CNTNAP5: variants seen among roughly 807,000 people sequenced by gnomAD.
CNTNAP5 encodes contactin-associated protein-like 5.
Under a neutral mutation model 150.2 loss-of-function variants are expected in CNTNAP5, and 72 were observed. That is an observed-to-expected ratio of 0.48 (90% CI 0.40 to 0.58). The LOEUF (loss-of-function observed/expected upper bound fraction) is 0.58. CNTNAP5 is among the 20% of genes least tolerant of loss of function. The probability of loss-of-function intolerance (pLI) is 0.00; values close to 1 mark genes in which losing one functional copy is unlikely to be tolerated. For synonymous variants in CNTNAP5, 672 were observed against 619.8 expected (o/e 1.08, Z -1.25); for missense variants, 1,636 against 1,626.2 (o/e 1.01, Z -0.10).
chr2:124,597,877 G>C (rs1460918472), intron 11 of CNTNAP5, among the ~76,000 whole-genome samples: 1 of 142,346 alleles, frequency 7.0e-6, no homozygotes. Context: ...TTCCCTTCTT[G>C]CTTCATTTCA....
intron 13 of CNTNAP5, among the ~76,000 whole-genome samples, chr2:124,653,921 C>G (rs938281984): frequency 9.2e-5 from 13 of 141,244 alleles, no homozygotes; most frequent in South Asian, 2.5e-4. Context: ...ACCCCCCCCC[C>G]CCGCCACACA....
In CNTNAP5 at chr2:124,416,673, C is replaced by CT. The variant is rs1184135422; in HGVS notation, c.382-763dup. 2.1e-4 allele frequency among the ~76,000 whole-genome samples: 32 copies of CT among 152,094 alleles called. No homozygotes were observed. In the South Asian group the frequency reaches 6.2e-3, roughly 30 times the overall value. The stretch of plus-strand genomic sequence containing the variant: ...CTTCCCTTTTTCTCTTTCTAGGCTT[C>CT]TTTTTTTAAAAAATCTGTAAAATGG... On this transcript the variant is annotated intron_variant, in intron 3 of 23. Coordinates refer to ENST00000682447, the MANE Select transcript of CNTNAP5 (RefSeq NM_001367498.1).
chr2:124,584,218 T>C (rs1214676121), intron 11 of CNTNAP5, among the ~76,000 whole-genome samples: 3 of 152,218 alleles, frequency 2.0e-5, no homozygotes, highest in Non-Finnish European at 4.4e-5. Flanking sequence ...TGCTCGGGTT[T>C]TGCAAGAAGA....
rs570380670 is a variant in CNTNAP5 at position 124,286,808 on chromosome 2, T to A, written c.381+44415T>A. Among the ~76,000 whole-genome samples, 7 of 152,302 alleles carry A rather than the reference T, an allele frequency of 4.6e-5. No homozygotes were observed. In the South Asian group the frequency reaches 1.2e-3, roughly 27 times the overall value. ...GTTTGCACTGTGTTTTCAATGTAGC[T>A]GTTCTCTTTCAGCAGCTCCCGTTAA... is the stretch of plus-strand genomic sequence containing the variant. On this transcript the variant is annotated intron_variant, in intron 3 of 23. Coordinates refer to ENST00000682447, the MANE Select transcript of CNTNAP5 (RefSeq NM_001367498.1).
chr2:124,179,237 G>A (rs1163830019), intron 1 of CNTNAP5, among the ~76,000 whole-genome samples: 1 of 152,020 alleles, frequency 6.6e-6, no homozygotes, highest in African/African-American at 2.4e-5. Context: ...TCAGCTCCCT[G>A]CAACTTCTGC....
In CNTNAP5 at chr2:124,621,949, C is replaced by CT. The variant is rs369823416; in HGVS notation, c.1876+12038dup. ...TTCCTGTTTGAAAACACTCTACTTTCTTTTTTTTTCTTCAACTTTTATTTT... is the reference window on the plus strand; with the variant it reads ...TTCCTGTTTGAAAACACTCTACTTTCTTTTTTTTTTCTTCAACTTTTATTTT... On this transcript the variant is annotated intron_variant, in intron 12 of 23. Transcript: ENST00000682447. Among the ~76,000 whole-genome samples, 694 of 151,558 alleles carry CT rather than the reference C, an allele frequency of 4.6e-3. 2 individuals are homozygous for CT. The highest frequency in any genetic ancestry group is 5.9e-3 in the Non-Finnish European group (402 of 67,842).
intron 3 of CNTNAP5, among the ~76,000 whole-genome samples, chr2:124,326,004 A>G (rs1329787346): frequency 2.6e-5 from 4 of 152,228 alleles, no homozygotes; most frequent in Non-Finnish European, 5.9e-5. Context: ...TGCTGGCTGC[A>G]ACAATGAAGA....
chr2:124,571,755 C>T (rs898920934), intron 11 of CNTNAP5, among the ~76,000 whole-genome samples: 1 of 151,608 alleles, frequency 6.6e-6, no homozygotes, highest in Non-Finnish European at 1.5e-5. Context: ...TGGTCTCGAA[C>T]TCCTGACTTC....
intron 21 of CNTNAP5, among the ~76,000 whole-genome samples, chr2:124,899,155 T>G (rs1445905929): frequency 1.2e-4 from 18 of 151,418 alleles, no homozygotes. Context: ...TATAAATATA[T>G]ACAAAAACCA....
In CNTNAP5 at chr2:124,571,527, C is replaced by CTTTTTTTTTTTTTTTTT. The variant is rs1214169811; in HGVS notation, c.1756+8209_1756+8225dup. Among the ~76,000 whole-genome samples the CTTTTTTTTTTTTTTTTT allele has an allele frequency of 4.1e-4, 19 of 46,850 alleles. 1 individual carries two copies. Among genetic ancestry groups the CTTTTTTTTTTTTTTTTT allele is most frequent in the African/African-American group, 6.2e-4 (6 of 9,756 alleles). 30.7% of individuals were successfully genotyped at this position (46,850 alleles called of 152,430 possible). On this transcript the variant is annotated intron_variant, in intron 11 of 23. Transcript: ENST00000682447. ...CACTGAGTACTTTTTTTTCTTTTTT[C>CTTTTTTTTTTTTTTTTT]TTTTTTTTTTTTTTTTTTTTTGAGA...
chr2:124,367,596 G>A (rs11682596), intron 3 of CNTNAP5, among the ~76,000 whole-genome samples: 14,049 of 152,022 alleles, frequency 0.092, 823 homozygotes, highest in East Asian at 0.21. Flanking sequence ...GCTCCTATTG[G>A]GCTACCTCCA....
At chr2:124,328,297 A>G (rs1689269931) in intron 3 of CNTNAP5, among the ~76,000 whole-genome samples, 1 of 152,186 alleles carries the variant, frequency 6.6e-6, no homozygotes, top group African/African-American at 2.4e-5. Context: ...TCTGTTCTTC[A>G]AACCAGTAGT....
chr2:124,445,319 A>G (rs1692786794), intron 5 of CNTNAP5, among the ~76,000 whole-genome samples: 1 of 152,022 alleles, frequency 6.6e-6, no homozygotes, highest in Non-Finnish European at 1.5e-5. Flanking sequence ...CCTGGTCTCA[A>G]ACTCCTGACC....
intron 21 of CNTNAP5, 31 bp from the exon 22 acceptor site, chr2:124,902,851 A>T: frequency 1.3e-6 from 2 of 1,524,720 alleles, no homozygotes; most frequent in Non-Finnish European, 1.8e-6. Flanking sequence ...CAAAAAAAGT[A>T]AAGGACTTCT....
intron 12 of CNTNAP5, among the ~76,000 whole-genome samples, chr2:124,647,400 A>G (rs1678224983): frequency 9.2e-6 from 1 of 108,980 alleles, no homozygotes; most frequent in Non-Finnish European, 2.4e-5. Flanking sequence ...TCACTTATTA[A>G]CTGTGGGATA....
At chr2:124,851,514 T>A (rs1301958281) in intron 19 of CNTNAP5, among the ~76,000 whole-genome samples, 3 of 152,174 alleles carry the variant, frequency 2.0e-5, no homozygotes, top group South Asian at 2.1e-4. Flanking sequence ...AAGGAAAGAA[T>A]ACGTTGGCAT....
chr2:124,913,435 G>A (rs1187717293), intron 23 of CNTNAP5, among the ~76,000 whole-genome samples: 7 of 151,952 alleles, frequency 4.6e-5, no homozygotes, highest in East Asian at 3.9e-4. Flanking sequence ...AGAATAAAGG[G>A]GAATCTGATG....
At chr2:124,358,485 C>A (rs1463356349) in intron 3 of CNTNAP5, among the ~76,000 whole-genome samples, 1 of 152,132 alleles carries the variant, frequency 6.6e-6, no homozygotes, top group Non-Finnish European at 1.5e-5. Context: ...CCCATCAATA[C>A]CTAATTTATT....
At chr2:124,656,753 A>G (rs889139579) in intron 13 of CNTNAP5, among the ~76,000 whole-genome samples, 1 of 152,198 alleles carries the variant, frequency 6.6e-6, no homozygotes. Context: ...AAAATAAAAT[A>G]TGCATTTTTC....
Sources: gnomAD v4.1 joint callset for allele counts (sites outside exome capture counted in the v4.1 genomes callset) on GRCh38, gnomAD v4.1.1 for gene constraint, MANE v1.5 for transcripts, NCBI Gene and HGNC (gene_info 2026-07-23, HGNC 2026-07-21) for gene names.